Variants in PRMT8 observed in about 807,000 individuals in gnomAD.
The protein encoded by PRMT8 is protein arginine methyltransferase 8.
PRMT8 carries 7 observed loss-of-function variants against 47.1 expected under a neutral mutation model. The observed-to-expected ratio is 0.15, with a 90% CI of 0.08 to 0.28. The LOEUF (loss-of-function observed/expected upper bound fraction) is 0.28. Ranked by LOEUF, PRMT8 falls within the 10% of genes least tolerant of loss-of-function variation. The probability of loss-of-function intolerance (pLI) is 1.00; values close to 1 mark genes in which losing one functional copy is unlikely to be tolerated. For synonymous variants in PRMT8, 188 were observed against 186.5 expected (o/e 1.01, Z -0.07); for missense variants, 237 against 505.4 (o/e 0.47, Z 5.09).
rs536463685 is a variant in PRMT8, at chr12:3,524,012, G to C, written c.76-16594G>C. On this transcript the variant is annotated intron_variant, in intron 1 of 9. Coordinates refer to ENST00000382622, the MANE Select transcript of PRMT8 (RefSeq NM_019854.5). ...CTGGGCTAATGTCTGGTGGTACTGT[G>C]GGAAGAGAAACCTCAGTAACCTGTT... Among the ~76,000 whole-genome samples, 4 of 152,282 alleles carry C rather than the reference G, an allele frequency of 2.6e-5. No individual in the cohort carries two copies. The South Asian group carries it at 8.3e-4, about 32-fold the overall frequency.
intron 1 of PRMT8, among the ~76,000 whole-genome samples, chr12:3,510,740 CT>C (rs780748865): frequency 6.6e-6 from 1 of 152,180 alleles, no homozygotes; most frequent in Non-Finnish European, 1.5e-5. Context: ...ACCCCACTTT[CT>C]TCTTACAGCT....
At position 3,564,178 on chromosome 12, in the gene PRMT8, G is replaced by A. The variant is rs1465280747; in HGVS notation, c.482-4528G>A. ...AGGGAGTGGGGAGGGCGAGCGAAGG[G>A]CTTTGCTGCAGTGGGGTTGGCAGGG... is the stretch of plus-strand genomic sequence containing the variant. On this transcript the variant is annotated intron_variant, in intron 4 of 9. Coordinates refer to ENST00000382622, the MANE Select transcript of PRMT8 (RefSeq NM_019854.5). The surrounding 1 kb of genome is among the most constrained non-coding windows in gnomAD (Gnocchi z 4.0). Among the ~76,000 whole-genome samples, 1 of 152,128 alleles carries A rather than the reference G, an allele frequency of 6.6e-6. No homozygotes were observed. Among genetic ancestry groups the A allele is most frequent in the Admixed American group, 6.5e-5 (1 of 15,278 alleles).
At chr12:3,507,802 A>AGGC (rs1355044078) in intron 1 of PRMT8, among the ~76,000 whole-genome samples, 1 of 138,534 alleles carries the variant, frequency 7.2e-6, no homozygotes, top group Non-Finnish European at 1.5e-5. Context: ...TCTGTCACCC[A>AGGC]GGCTGGAGTG....
intron 1 of PRMT8, among the ~76,000 whole-genome samples, chr12:3,394,364 T>C (rs1283769066): frequency 6.6e-6 from 1 of 152,158 alleles, no homozygotes; most frequent in African/African-American, 2.4e-5. Context: ...AGATAGCTCT[T>C]ATTATTTTGA....
At chr12:3,429,496 GCA>G (rs1864649980) in intron 1 of PRMT8, among the ~76,000 whole-genome samples, 1 of 152,078 alleles carries the variant, frequency 6.6e-6, no homozygotes, top group Non-Finnish European at 1.5e-5. Flanking sequence ...GGTAAAAAGG[GCA>G]CACACACACT....
At chr12:3,471,863 G>A (rs1865165968) in intron 1 of PRMT8, among the ~76,000 whole-genome samples, 2 of 151,952 alleles carry the variant, frequency 1.3e-5, no homozygotes, top group Non-Finnish European at 2.9e-5. Flanking sequence ...TGCCAAAGAT[G>A]GGCTTTTTTG....
intron 1 of PRMT8, among the ~76,000 whole-genome samples, chr12:3,412,534 C>T (rs1373710035): frequency 6.6e-6 from 1 of 152,168 alleles, no homozygotes; most frequent in Non-Finnish European, 1.5e-5. Context: ...TATCACTTAG[C>T]TTAAAGCACA....
intron 1 of PRMT8, among the ~76,000 whole-genome samples, chr12:3,427,996 AT>A (rs921582445): frequency 2.9e-4 from 44 of 152,196 alleles, no homozygotes; most frequent in African/African-American, 1.0e-3. Context: ...TAAGTTTGAG[AT>A]TTCAATTATC....
intron 1 of PRMT8, among the ~76,000 whole-genome samples, chr12:3,412,629 T>A (rs1397816787): frequency 6.6e-6 from 1 of 152,244 alleles, no homozygotes; most frequent in African/African-American, 2.4e-5. Flanking sequence ...CTCTTTTTTT[T>A]ACTTCTTAAA....
chr12:3,394,281 G>C (rs1431535830), intron 1 of PRMT8, among the ~76,000 whole-genome samples: 1 of 152,182 alleles, frequency 6.6e-6, no homozygotes, highest in South Asian at 2.1e-4. Flanking sequence ...GCATCCCTGT[G>C]TTGTGCCGGT....
intron 1 of PRMT8, among the ~76,000 whole-genome samples, chr12:3,441,990 C>T (rs527573423): frequency 1.3e-5 from 2 of 152,286 alleles, no homozygotes; most frequent in South Asian, 4.1e-4. Flanking sequence ...ATCATCAGAA[C>T]CCAAACCGAA....
At chr12:3,397,302 T>G (rs1293340518) in intron 1 of PRMT8, among the ~76,000 whole-genome samples, 20 of 151,896 alleles carry the variant, frequency 1.3e-4, no homozygotes, top group Non-Finnish European at 2.8e-4. Flanking sequence ...TTTTAGAGTT[T>G]CCAGTTTTTC....
upstream of PRMT8, among the ~76,000 whole-genome samples, chr12:3,487,290 C>T (rs1193284674): frequency 6.6e-6 from 1 of 152,194 alleles, no homozygotes; most frequent in East Asian, 1.9e-4. Context: ...ATATGTCGCC[C>T]CTTTCAGCAG....
chr12:3,452,751 A>G (rs1864933715), intron 1 of PRMT8, among the ~76,000 whole-genome samples: 1 of 152,176 alleles, frequency 6.6e-6, no homozygotes, highest in Non-Finnish European at 1.5e-5. Context: ...AGGCCTCACC[A>G]GATGGTGAAG....
At chr12:3,531,953 G>A (rs1210988449) in intron 1 of PRMT8, among the ~76,000 whole-genome samples, 1 of 152,182 alleles carries the variant, frequency 6.6e-6, no homozygotes, top group African/African-American at 2.4e-5. Flanking sequence ...GAGAAGGCCT[G>A]AAGCTGTCCT....
intron 1 of PRMT8, among the ~76,000 whole-genome samples, chr12:3,539,916 G>A (rs1226599857): frequency 6.6e-6 from 1 of 152,212 alleles, no homozygotes; most frequent in Non-Finnish European, 1.5e-5. Flanking sequence ...TAAGACATCT[G>A]CATTTTGGGG....
At position 3,436,661 on chromosome 12, in the gene PRMT8, C is replaced by T. The variant is rs1010136183; in HGVS notation, c.48+55219C>T. Among the ~76,000 whole-genome samples the T allele has an allele frequency of 7.2e-5, 11 of 152,120 alleles. No homozygotes were observed. The highest frequency in any genetic ancestry group is 2.0e-4 in the Admixed American group (3 of 15,282). On this transcript the variant is annotated intron_variant, in intron 1 of 9. Transcript: ENST00000452611. This position sits in a 1 kb window ranked among gnomAD's most constrained non-coding sequence, Gnocchi z 4.2. ...TGGGTGCATGGCCATAATTGGGTTA[C>T]GGGGCTGCTAATATGATTGTGCTGC...
At chr12:3,467,381 C>A (rs532774781) in intron 1 of PRMT8, among the ~76,000 whole-genome samples, 13 of 152,170 alleles carry the variant, frequency 8.5e-5, no homozygotes, top group African/African-American at 2.9e-4. Context: ...GACACCCGAG[C>A]AGTCTGAGAA....
Position 3,572,503 on chromosome 12 carries a change from A to G in PRMT8, c.712+2939A>G, listed in dbSNP as rs551418742. Among the ~76,000 whole-genome samples, 1 of 152,346 alleles carries G rather than the reference A, an allele frequency of 6.6e-6. No individual in the cohort carries two copies. Among genetic ancestry groups the G allele is most frequent in the South Asian group, 2.1e-4 (1 of 4,830 alleles). Reference sequence around the variant, plus strand: ...TTTCTTGGCTGATGAGAAGACTGAAAGAAAGACCTCATGCAGAGGTGGCAG... The same window carrying G: ...TTTCTTGGCTGATGAGAAGACTGAAGGAAAGACCTCATGCAGAGGTGGCAG... On this transcript the variant is annotated intron_variant, in intron 6 of 9. Coordinates refer to ENST00000382622, the MANE Select transcript of PRMT8 (RefSeq NM_019854.5). The surrounding 1 kb of genome is among the most constrained non-coding windows in gnomAD (Gnocchi z 5.9).
Sources: allele counts gnomAD v4.1 joint callset (sites outside exome capture counted in the v4.1 genomes callset), GRCh38; gene constraint gnomAD v4.1.1; non-coding constraint Gnocchi (gnomAD v3.1); transcripts MANE v1.5; gene names NCBI Gene and HGNC (gene_info 2026-07-23, HGNC 2026-07-21).